ADARB2: variants seen among roughly 807,000 people sequenced by gnomAD.
ADARB2 encodes the protein adenosine deaminase RNA specific B2 (inactive).
Under a neutral mutation model 62.2 loss-of-function variants are expected in ADARB2, and 25 were observed. That is an observed-to-expected ratio of 0.40 (90% confidence interval 0.29 to 0.56). ADARB2 has a LOEUF of 0.56. ADARB2 is among the 20% of genes least tolerant of loss of function. ADARB2 has a pLI of 0.43. For missense variants in ADARB2, 1,071 were observed against 1,077.4 expected, an observed-to-expected ratio of 0.99 and a Z score of 0.08; for synonymous variants, 572 against 500.8, an observed-to-expected ratio of 1.14 and a Z score of -1.90.
rs1363285370 is a variant in ADARB2 at position 1,511,741 on chromosome 10, T to C, written c.101-132581A>G. ...AGACTTTGATACTGTCTACACTGGA[T>C]ACCAAGACATGGATGCTGTCTACAT... On this transcript the variant is annotated intron_variant, in intron 1 of 9. Coordinates refer to ENST00000381312, the MANE Select transcript of ADARB2 (RefSeq NM_018702.4). 2.0e-5 allele frequency among the ~76,000 whole-genome samples: 3 copies of C among 151,796 alleles called. No homozygotes were observed. The East Asian group carries it at 5.8e-4, about 29-fold the overall frequency.
At chr10:1,293,622 TA>T (rs1831497733) in intron 3 of ADARB2, among the ~76,000 whole-genome samples, 1 of 152,212 alleles carries the variant, frequency 6.6e-6, no homozygotes, top group Admixed American at 6.5e-5. Flanking sequence ...AAAACTAATT[TA>T]TTTTTTGTTT....
chr10:1,328,784 G>T (rs1268736031), intron 3 of ADARB2, among the ~76,000 whole-genome samples: 1 of 151,894 alleles, frequency 6.6e-6, no homozygotes, highest in Non-Finnish European at 1.5e-5. Flanking sequence ...TTGGGCCCAG[G>T]GATTTGAGAC....
At chr10:1,559,357 G>A (rs1832756308) in intron 1 of ADARB2, among the ~76,000 whole-genome samples, 1 of 152,190 alleles carries the variant, frequency 6.6e-6, no homozygotes, top group Non-Finnish European at 1.5e-5. Context: ...AGATGCTAAC[G>A]TGCGTGGTGA....
At chr10:1,544,011 A>AC (rs1222488454) in intron 1 of ADARB2, among the ~76,000 whole-genome samples, 3 of 77,740 alleles carry the variant, frequency 3.9e-5, no homozygotes, top group African/African-American at 9.1e-5. Flanking sequence ...AAAAAAAAAA[A>AC]AACAAACAAA....
intron 3 of ADARB2, among the ~76,000 whole-genome samples, chr10:1,313,927 CT>C (rs1195356562): frequency 6.6e-6 from 1 of 152,218 alleles, no homozygotes; most frequent in Non-Finnish European, 1.5e-5. Flanking sequence ...CTTTTGCTAA[CT>C]AGTAATATTT....
chr10:1,633,539 GTCTATCTATCATCTA>G (rs1564352917), intron 1 of ADARB2, among the ~76,000 whole-genome samples: 2 of 79,148 alleles, frequency 2.5e-5, no homozygotes, highest in Non-Finnish European at 6.9e-5. Context: ...CTGTCTGTCT[GTCTATCTATCATCTA>G]TCTATCTATC....
At chr10:1,454,713 T>G (rs767169189) in intron 1 of ADARB2, among the ~76,000 whole-genome samples, 10 of 152,088 alleles carry the variant, frequency 6.6e-5, no homozygotes, top group Non-Finnish European at 1.0e-4. Flanking sequence ...CAGTTTCAGT[T>G]CTGGAAGATG....
intron 1 of ADARB2, among the ~76,000 whole-genome samples, chr10:1,485,955 C>A (rs1243832838): frequency 6.6e-6 from 1 of 152,132 alleles, no homozygotes; most frequent in African/African-American, 2.4e-5. Context: ...TGGATTCCAG[C>A]AATTGAATGT....
chr10:1,641,912 C>T (rs1833983775), intron 1 of ADARB2, among the ~76,000 whole-genome samples: 2 of 152,028 alleles, frequency 1.3e-5, no homozygotes, highest in African/African-American at 4.8e-5. Flanking sequence ...ACCTGGGAGG[C>T]TGAGGCAGGA....
chr10:1,390,262 A>C (rs761279588), intron 1 of ADARB2, among the ~76,000 whole-genome samples: 10 of 152,196 alleles, frequency 6.6e-5, no homozygotes, highest in Non-Finnish European at 1.3e-4. Flanking sequence ...GGCTTTCAGC[A>C]CTCCGTGGAG....
At chr10:1,670,174 C>T (rs1308583201) in intron 1 of ADARB2, among the ~76,000 whole-genome samples, 2 of 152,188 alleles carry the variant, frequency 1.3e-5, no homozygotes, top group Non-Finnish European at 2.9e-5. Flanking sequence ...CAATATCAAA[C>T]CTTCACTTTC....
At chr10:1,293,536 A>T (rs1831496886) in intron 3 of ADARB2, among the ~76,000 whole-genome samples, 1 of 152,198 alleles carries the variant, frequency 6.6e-6, no homozygotes, top group Non-Finnish European at 1.5e-5. Flanking sequence ...TTTTCAGGGC[A>T]TTCTCGCTGG....
intron 1 of ADARB2, among the ~76,000 whole-genome samples, chr10:1,549,095 T>C (rs553052100): frequency 2.0e-5 from 3 of 148,572 alleles, no homozygotes. Flanking sequence ...CAGTACAGGG[T>C]GGGAGCAGAG....
intron 1 of ADARB2, among the ~76,000 whole-genome samples, chr10:1,483,574 A>G (rs976185341): frequency 2.0e-5 from 3 of 152,162 alleles, no homozygotes; most frequent in Non-Finnish European, 4.4e-5. Flanking sequence ...AAAGTCAGAA[A>G]TCTCTTTGTC....
At chr10:1,484,148 C>A (rs1361607741) in intron 1 of ADARB2, among the ~76,000 whole-genome samples, 1 of 152,202 alleles carries the variant, frequency 6.6e-6, no homozygotes, top group African/African-American at 2.4e-5. Context: ...ATACATTAAT[C>A]CTCTCGATAT....
chr10:1,216,743 G>A, intron 7 of ADARB2: 1 of 672,472 alleles, frequency 1.5e-6, no homozygotes, highest in Non-Finnish European at 2.4e-6. Flanking sequence ...GCAGGGCCTT[G>A]CTCCCTCAGG....
At chr10:1,713,548 C>T (rs377028688) in intron 1 of ADARB2, among the ~76,000 whole-genome samples, 2 of 152,118 alleles carry the variant, frequency 1.3e-5, no homozygotes, top group African/African-American at 2.4e-5. Context: ...GACTTTCTCA[C>T]GTGGGTTCCA....
intron 1 of ADARB2, among the ~76,000 whole-genome samples, chr10:1,664,975 A>C (rs1287863425): frequency 6.6e-6 from 1 of 152,192 alleles, no homozygotes; most frequent in Non-Finnish European, 1.5e-5. Context: ...CAGAACCGAA[A>C]GAAAGAACAC....
chr10:1,661,557 C>T (rs1417840614), intron 1 of ADARB2, among the ~76,000 whole-genome samples: 1 of 152,160 alleles, frequency 6.6e-6, no homozygotes, highest in Non-Finnish European at 1.5e-5. Context: ...CCGGCAAGCA[C>T]CTAGAGTGCA....
Sources: gnomAD v4.1 joint callset for allele counts (sites outside exome capture counted in the v4.1 genomes callset) on GRCh38, gnomAD v4.1.1 for gene constraint, MANE v1.5 for transcripts, NCBI Gene and HGNC (gene_info 2026-07-23, HGNC 2026-07-21) for gene names.